The following GOSR1 variants were observed in gnomAD, a reference collection of about 807,000 sequenced individuals.
GOSR1 encodes 28 kDa Golgi SNARE protein.
In GOSR1, 21 loss-of-function variants were observed where a neutral mutation model predicts 35.5. The observed-to-expected ratio is 0.59, with a 90% CI of 0.42 to 0.85. The LOEUF is 0.85. Ranked by LOEUF, GOSR1 falls within the 40% of genes least tolerant of loss-of-function variation. The probability of loss-of-function intolerance (pLI) is 0.00; values close to 1 mark genes in which losing one functional copy is unlikely to be tolerated. For synonymous variants in GOSR1, 94 were observed against 106.6 expected (o/e 0.88, Z 0.73); for missense variants, 285 against 309.6 (o/e 0.92, Z 0.60).
intron 6 of GOSR1, among the ~76,000 whole-genome samples, chr17:30,504,433 A>G (rs1217002705): frequency 6.6e-6 from 1 of 152,214 alleles, no homozygotes; most frequent in African/African-American, 2.4e-5. Context: ...TCAATCTCAA[A>G]TATATAAAAT....
rs759120979 is a variant in GOSR1, at chr17:30,526,914, C to T, written c.*4536C>T. On this transcript the variant is annotated 3_prime_UTR_variant, in exon 9 of 9. Coordinates refer to ENST00000451249, the MANE Select transcript of GOSR1 (RefSeq NM_001007025.2). ...TGTTGATAAGTGTTTCTCATGATGT[C>T]CTGAAACCCAGGATGAAATAATACA... The T allele has an allele frequency of 1.3e-5, 2 of 152,140 alleles. No homozygotes were observed. Among genetic ancestry groups the T allele is most frequent in the African/African-American group, 4.8e-5 (2 of 41,434 alleles). 9.4% of individuals were successfully genotyped at this position (152,140 alleles called of 1,614,324 possible).
chr17:30,526,549 G>A lies in GOSR1; in HGVS notation c.*4171G>A, dbSNP rs1054772944. On this transcript the variant is annotated 3_prime_UTR_variant, in exon 9 of 9. Transcript: ENST00000451249. The stretch of plus-strand genomic sequence containing the variant: ...AGGTATTTGCATCCATTCCCACCCT[G>A]TTAGCTCTTAAGGGAGGAGGGAAAT... 1.3e-5 allele frequency: 2 copies of A among 152,596 alleles called. No individual in the cohort carries two copies. The highest frequency in any genetic ancestry group is 4.8e-5 in the African/African-American group (2 of 41,434). 9.5% of individuals were successfully genotyped at this position (152,596 alleles called of 1,614,324 possible).
chr17:30,494,527 A>G (rs1404541591), intron 6 of GOSR1, among the ~76,000 whole-genome samples: 1 of 152,048 alleles, frequency 6.6e-6, no homozygotes, highest in Admixed American at 6.5e-5. Flanking sequence ...CTACTCCCTG[A>G]TATTTTTCTT....
chr17:30,488,508 A>G (rs1914823085), intron 4 of GOSR1, among the ~76,000 whole-genome samples: 1 of 150,492 alleles, frequency 6.6e-6, no homozygotes, highest in Admixed American at 6.6e-5. Flanking sequence ...TTTAAAAAAT[A>G]TATGTAAGAA....
At position 30,527,273 on chromosome 17, in the gene GOSR1, G is replaced by A. The variant is rs1362520812; in HGVS notation, c.*4895G>A. 1 of 152,204 alleles carries A rather than the reference G, an allele frequency of 6.6e-6. No individual in the cohort carries two copies. Among genetic ancestry groups the A allele is most frequent in the African/African-American group, 2.4e-5 (1 of 41,412 alleles). 9.4% of individuals were successfully genotyped at this position (152,204 alleles called of 1,614,324 possible). Reference sequence around the variant, plus strand: ...CGGAAGGCTGAGGTAGGAGGATCATGAGCCCAGGAGGTCAAGGCTGCAGTA... The same window carrying A: ...CGGAAGGCTGAGGTAGGAGGATCATAAGCCCAGGAGGTCAAGGCTGCAGTA... On this transcript the variant is annotated 3_prime_UTR_variant, in exon 9 of 9. Coordinates refer to ENST00000451249, the MANE Select transcript of GOSR1 (RefSeq NM_001007025.2).
At position 30,526,868 on chromosome 17, in the gene GOSR1, T is replaced by C. The variant is rs1968192414; in HGVS notation, c.*4490T>C. 1 of 152,384 alleles carries C rather than the reference T, an allele frequency of 6.6e-6. No homozygotes were observed. Among genetic ancestry groups the C allele is most frequent in the Non-Finnish European group, 1.5e-5 (1 of 68,046 alleles). 9.4% of individuals were successfully genotyped at this position (152,384 alleles called of 1,614,324 possible). On this transcript the variant is annotated 3_prime_UTR_variant, in exon 9 of 9. Coordinates refer to ENST00000451249, the MANE Select transcript of GOSR1 (RefSeq NM_001007025.2). ...AGTAACCATCAAGGTAGTTTGGGGA[T>C]AGAGATTATGGTATCTCTGGTGTTG...
At chr17:30,501,180 A>T (rs1175932864) in intron 6 of GOSR1, among the ~76,000 whole-genome samples, 1 of 152,158 alleles carries the variant, frequency 6.6e-6, no homozygotes. Flanking sequence ...GCGCCCGGCC[A>T]CAAAGAACTC....
At chr17:30,484,854 ATATATT>A (rs934584532) in intron 4 of GOSR1, 84 bp downstream of exon 4, 1 of 762,220 alleles carries the variant, frequency 1.3e-6, no homozygotes, top group African/African-American at 1.7e-5. Flanking sequence ...ATATGTGCAC[ATATATT>A]TAAAAGGACA....
intron 3 of GOSR1, 89 bp from the exon 4 acceptor site, chr17:30,484,574 C>T (rs1005034761): frequency 2.8e-4 from 195 of 692,548 alleles, no homozygotes; most frequent in Middle Eastern, 2.1e-3. Context: ...TGCTGTCAAC[C>T]AAAAGGGCAT....
intron 6 of GOSR1, among the ~76,000 whole-genome samples, chr17:30,498,822 G>C (rs1010332570): frequency 1.3e-5 from 2 of 152,150 alleles, no homozygotes; most frequent in Non-Finnish European, 2.9e-5. Context: ...GGTCAGCCGA[G>C]GCTGCCATTC....
At chr17:30,510,832 A>G (rs1337937402) in intron 6 of GOSR1, 48 bp from the exon 7 acceptor site, 4 of 988,988 alleles carry the variant, frequency 4.0e-6, no homozygotes, top group Non-Finnish European at 6.4e-6. Flanking sequence ...CAGGTTTTAC[A>G]TGTGCATTTA....
intron 6 of GOSR1, among the ~76,000 whole-genome samples, chr17:30,507,796 A>G (rs971812158): frequency 3.3e-5 from 5 of 152,150 alleles, no homozygotes; most frequent in African/African-American, 1.2e-4. Flanking sequence ...ATCTTATCTC[A>G]TGATAAAACG....
At chr17:30,484,082 C>A in intron 2 of GOSR1, 132 bp from the exon 3 acceptor site, 1 of 537,960 alleles carries the variant, frequency 1.9e-6, no homozygotes, top group South Asian at 2.7e-5. Flanking sequence ...TGTAAAAGAT[C>A]GTTTCTCACA....
intron 5 of GOSR1, among the ~76,000 whole-genome samples, chr17:30,490,525 T>C (rs1245466224): frequency 6.6e-6 from 1 of 151,778 alleles, no homozygotes; most frequent in East Asian, 1.9e-4. Flanking sequence ...CTAAGAATTA[T>C]AATGTTACTT....
intron 7 of GOSR1, among the ~76,000 whole-genome samples, chr17:30,515,154 A>G (rs1039537396): frequency 2.0e-5 from 3 of 151,876 alleles, no homozygotes; most frequent in African/African-American, 7.3e-5. Flanking sequence ...GCTTCCAGTC[A>G]CTCATTGCTG....
chr17:30,499,558 G>A (rs1219947311), intron 6 of GOSR1, among the ~76,000 whole-genome samples: 1 of 152,148 alleles, frequency 6.6e-6, no homozygotes, highest in Non-Finnish European at 1.5e-5. Context: ...AGCCAGGATG[G>A]TCTTGATCTC....
At chr17:30,482,514 T>C (rs147754878) in intron 2 of GOSR1, among the ~76,000 whole-genome samples, 6 of 152,302 alleles carry the variant, frequency 3.9e-5, no homozygotes, top group African/African-American at 1.4e-4. Flanking sequence ...TCCACACTTA[T>C]TTTACATACT....
intron 8 of GOSR1, among the ~76,000 whole-genome samples, chr17:30,520,711 C>A (rs955147997): frequency 6.6e-6 from 1 of 152,140 alleles, no homozygotes; most frequent in Admixed American, 6.5e-5. Flanking sequence ...GGGGAGGAAC[C>A]TAGAATTTTC....
chr17:30,514,779 C>T (rs145812987), intron 7 of GOSR1, among the ~76,000 whole-genome samples: 35 of 152,258 alleles, frequency 2.3e-4, no homozygotes, highest in African/African-American at 8.2e-4. Flanking sequence ...CTTACCTTCT[C>T]TCTGTTTCTG....
Sources: allele counts gnomAD v4.1 joint callset (sites outside exome capture counted in the v4.1 genomes callset), GRCh38; gene constraint gnomAD v4.1.1; transcripts MANE v1.5; gene names NCBI Gene and HGNC (gene_info 2026-07-23, HGNC 2026-07-21).